THSD7A: variants seen among roughly 807,000 people sequenced by gnomAD.
THSD7A encodes thrombospondin type 1 domain containing 7A.
In THSD7A, 96 loss-of-function variants were observed where a neutral mutation model predicts 231.3. The observed-to-expected ratio is 0.41, with a 90% CI of 0.35 to 0.49. THSD7A has a LOEUF of 0.49. Ranked by LOEUF, THSD7A falls within the 20% of genes least tolerant of loss-of-function variation. The probability of loss-of-function intolerance (pLI) is 0.05; values close to 1 mark genes in which losing one functional copy is unlikely to be tolerated. For synonymous variants in THSD7A, 940 were observed against 743.3 expected, an observed-to-expected ratio of 1.26 and a Z score of -4.30; for missense variants, 2,290 against 2,070.2, an observed-to-expected ratio of 1.11 and a Z score of -2.06.
rs374185961 is a variant in THSD7A, at chr7:11,576,246, C to T, written c.1453+14214G>A. ...AAATTACTTTATCTCCCTTTATTGT[C>T]GGTATTTATAGACAATAAAGTGGGA... On this transcript the variant is annotated intron_variant, in intron 4 of 27. Coordinates refer to ENST00000423059, the MANE Select transcript of THSD7A (RefSeq NM_015204.3). Among the ~76,000 whole-genome samples, 21 of 152,196 alleles carry T rather than the reference C, an allele frequency of 1.4e-4. 1 individual carries two copies. In the South Asian group the frequency reaches 1.7e-3, roughly 12 times the overall value.
chr7:11,784,897 C>G (rs1562554057), intron 1 of THSD7A, among the ~76,000 whole-genome samples: 1 of 152,098 alleles, frequency 6.6e-6, no homozygotes, highest in Non-Finnish European at 1.5e-5. Flanking sequence ...CCTAAGGGAT[C>G]TACCAGTGTG....
rs1242103187 is a variant in THSD7A at position 11,373,483 on chromosome 7, A to T, written c.*2311T>A. The T allele has an allele frequency of 1.3e-5, 2 of 152,064 alleles. No individual in the cohort carries two copies. Among genetic ancestry groups the T allele is most frequent in the Non-Finnish European group, 2.9e-5 (2 of 67,950 alleles). The allele number at this position is 152,064 out of a possible 1,614,324, so 9.4% of individuals were successfully genotyped here. A position where few individuals can be genotyped will look rare whatever the true frequency, so the allele number is the denominator to read the frequency against. ...ATTTTTTCTTCCTCTTTAATAAAAC[A>T]GATAAAATGGACTTTGTTTTTATGG... On this transcript the variant is annotated 3_prime_UTR_variant, in exon 28 of 28. Coordinates refer to ENST00000423059, the MANE Select transcript of THSD7A (RefSeq NM_015204.3).
At chr7:11,427,142 A>G (rs956865210) in intron 14 of THSD7A, among the ~76,000 whole-genome samples, 2 of 152,108 alleles carry the variant, frequency 1.3e-5, no homozygotes, top group African/African-American at 4.8e-5. Context: ...AAAAATAGAA[A>G]CTCAGAGACT....
intron 23 of THSD7A, among the ~76,000 whole-genome samples, chr7:11,383,510 A>G (rs1161282239): frequency 6.6e-6 from 1 of 151,948 alleles, no homozygotes; most frequent in Non-Finnish European, 1.5e-5. Flanking sequence ...TTTATTAAAT[A>G]TTGCCCATTT....
chr7:11,429,128 G>C lies in THSD7A; in HGVS notation c.3065-3C>G, dbSNP rs375499308. 1.2e-5 allele frequency: 19 copies of C among 1,561,576 alleles called. 1 individual carries two copies. Among genetic ancestry groups the C allele is most frequent in the Non-Finnish European group, 1.6e-5 (18 of 1,158,032 alleles). Reference sequence around the variant, plus strand: ...GATGCAGGCCTCCTCAATGTAACCTGAGTAGAGGAAAATGAGACAAGAATC... The same window carrying C: ...GATGCAGGCCTCCTCAATGTAACCTCAGTAGAGGAAAATGAGACAAGAATC... On this transcript the variant is annotated splice_region_variant and splice_polypyrimidine_tract_variant and intron_variant, in intron 13 of 27. Coordinates refer to ENST00000423059, the MANE Select transcript of THSD7A (RefSeq NM_015204.3).
rs1239544421 is a variant in THSD7A at position 11,447,348 on chromosome 7, G to A, written c.2682C>T (p.Ala894=). The part of the protein sequence containing the change: ...ECLQYAGPVP[A]LTQACQIPCQ... ...AGGGGATCTGGCAGGCCTGGGTAAG[G>A]GCTGGCACAGGGCCTGCATACTGTA... The change falls in exon 12 of 28, where the codon GCC becomes GCT. Residue 894 remains alanine (A), a synonymous_variant. Transcript: ENST00000423059. 2.5e-6 allele frequency: 4 copies of A among 1,612,392 alleles called. No individual in the cohort carries two copies. Among genetic ancestry groups the A allele is most frequent in the Non-Finnish European group, 3.4e-6 (4 of 1,179,260 alleles).
chr7:11,761,045 T>C (rs969249990), intron 1 of THSD7A, among the ~76,000 whole-genome samples: 3 of 150,942 alleles, frequency 2.0e-5, no homozygotes, highest in Middle Eastern at 3.5e-3. Flanking sequence ...GCTATAAATA[T>C]GTCAAACCCA....
At chr7:11,401,580 A>AT (rs915090802) in intron 23 of THSD7A, among the ~76,000 whole-genome samples, 13 of 148,898 alleles carry the variant, frequency 8.7e-5, no homozygotes, top group Middle Eastern at 3.5e-3. Context: ...ACCATGCATA[A>AT]TTTTTTTTTT....
intron 2 of THSD7A, among the ~76,000 whole-genome samples, chr7:11,611,161 T>C (rs1402749942): frequency 6.6e-6 from 1 of 152,132 alleles, no homozygotes; most frequent in East Asian, 1.9e-4. Flanking sequence ...TAAGTTAAAA[T>C]ACAGTTTTCT....
intron 11 of THSD7A, among the ~76,000 whole-genome samples, chr7:11,447,842 T>C (rs1375235955): frequency 6.6e-6 from 1 of 152,162 alleles, no homozygotes; most frequent in East Asian, 1.9e-4. Flanking sequence ...GTATATCTAA[T>C]ATTGTTTTAT....
chr7:11,566,442 G>A (rs895205510), intron 4 of THSD7A, among the ~76,000 whole-genome samples: 3 of 152,168 alleles, frequency 2.0e-5, no homozygotes, highest in African/African-American at 4.8e-5. Flanking sequence ...CGTACTTTAT[G>A]TGAATCTGAT....
intron 15 of THSD7A, among the ~76,000 whole-genome samples, chr7:11,425,935 T>C (rs768884327): frequency 2.6e-5 from 4 of 152,014 alleles, no homozygotes; most frequent in Non-Finnish European, 5.9e-5. Context: ...TGGACCTGTC[T>C]CAAAGAGGAA....
At chr7:11,516,650 A>T (rs909820827) in intron 6 of THSD7A, among the ~76,000 whole-genome samples, 6 of 152,248 alleles carry the variant, frequency 3.9e-5, no homozygotes, top group Admixed American at 6.5e-5. Flanking sequence ...CTTTAAGAAA[A>T]AATTTGCTAT....
intron 1 of THSD7A, among the ~76,000 whole-genome samples, chr7:11,642,989 T>C (rs887573345): frequency 1.3e-5 from 2 of 152,002 alleles, no homozygotes; most frequent in Non-Finnish European, 1.5e-5. Flanking sequence ...AAAGGTTGAG[T>C]CTATAAAAGG....
intron 1 of THSD7A, among the ~76,000 whole-genome samples, chr7:11,783,587 T>C (rs528990403): frequency 3.3e-5 from 5 of 152,284 alleles, no homozygotes; most frequent in Non-Finnish European, 5.9e-5. Context: ...ATTAATTCTA[T>C]GACAATTTTG....
chr7:11,405,318 A>C (rs1783546614), intron 22 of THSD7A, among the ~76,000 whole-genome samples: 1 of 152,088 alleles, frequency 6.6e-6, no homozygotes, highest in Non-Finnish European at 1.5e-5. Flanking sequence ...TATATAGAAA[A>C]TGTGTTTTAT....
intron 14 of THSD7A, among the ~76,000 whole-genome samples, chr7:11,427,918 C>A (rs1441212644): frequency 6.6e-6 from 1 of 152,116 alleles, no homozygotes; most frequent in Non-Finnish European, 1.5e-5. Flanking sequence ...ATAAAATCAG[C>A]AACTTCACTT....
chr7:11,699,949 A>G (rs1780533319), intron 1 of THSD7A, among the ~76,000 whole-genome samples: 1 of 151,354 alleles, frequency 6.6e-6, no homozygotes, highest in Non-Finnish European at 1.5e-5. Context: ...ATCTAAAATG[A>G]AATCTTTTCA....
At chr7:11,383,866 T>A (rs1782623166) in intron 23 of THSD7A, 1 of 152,044 alleles carries the variant, frequency 6.6e-6, no homozygotes, top group Non-Finnish European at 1.5e-5. Flanking sequence ...TGACATTCTT[T>A]CAGAGTGTGA....
Sources: gnomAD v4.1 joint callset for allele counts (sites outside exome capture counted in the v4.1 genomes callset) on GRCh38, gnomAD v4.1.1 for gene constraint, MANE v1.5 for transcripts, NCBI Gene and HGNC (gene_info 2026-07-23, HGNC 2026-07-21) for gene names.